The following HEPACAM2 variants were observed in gnomAD, a reference collection of about 807,000 sequenced individuals.
HEPACAM2 encodes the protein mitotic kinetics regulator.
Under a neutral mutation model 49.6 loss-of-function variants are expected in HEPACAM2, and 49 were observed. That is an observed-to-expected ratio of 0.99 (90% confidence interval 0.78 to 1.25). The LOEUF (loss-of-function observed/expected upper bound fraction) is 1.25. Ranked by LOEUF, HEPACAM2 falls within the 50% of genes most tolerant of loss-of-function variation. HEPACAM2 has a pLI of 0.00. For synonymous variants in HEPACAM2, 197 were observed against 202.9 expected (o/e 0.97, Z 0.25); for missense variants, 525 against 557.2 (o/e 0.94, Z 0.58).
chr7:93,189,621 C>T (rs1227977165), intron 9 of HEPACAM2, among the ~76,000 whole-genome samples: 2 of 151,756 alleles, frequency 1.3e-5, no homozygotes, highest in Admixed American at 6.6e-5. Context: ...AATAATTGGG[C>T]TGAGTACTAG....
At chr7:93,230,200 G>C (rs1318027794), upstream of HEPACAM2, among the ~76,000 whole-genome samples, 2 of 152,004 alleles carry the variant, frequency 1.3e-5, no homozygotes, top group Non-Finnish European at 2.9e-5. Context: ...AAACTTTTTG[G>C]GGGGATCATC....
intron 7 of HEPACAM2, 128 bp downstream of exon 7, chr7:93,197,113 A>T: frequency 5.2e-6 from 3 of 574,632 alleles, no homozygotes; most frequent in Non-Finnish European, 7.6e-6. Context: ...ACTAACTCAA[A>T]GGTAAGAGAC....
At chr7:93,212,179 A>G (rs1386891549) in intron 3 of HEPACAM2, among the ~76,000 whole-genome samples, 1 of 152,106 alleles carries the variant, frequency 6.6e-6, no homozygotes, top group Non-Finnish European at 1.5e-5. Flanking sequence ...TCAATTACCT[A>G]ATTTAATAAG....
intron 4 of HEPACAM2, among the ~76,000 whole-genome samples, chr7:93,205,186 G>T (rs1793997764): frequency 6.6e-6 from 1 of 151,652 alleles, no homozygotes. Context: ...GTTTTCTTTA[G>T]GATATTTCCA....
At chr7:93,228,323 C>CTTA (rs1179046895), upstream of HEPACAM2, among the ~76,000 whole-genome samples, 1 of 152,056 alleles carries the variant, frequency 6.6e-6, no homozygotes. Context: ...AAAATAAATG[C>CTTA]CATATGAATC....
intron 9 of HEPACAM2, among the ~76,000 whole-genome samples, chr7:93,190,191 G>A (rs2116617141): frequency 6.6e-6 from 1 of 152,078 alleles, no homozygotes; most frequent in Middle Eastern, 3.4e-3. Flanking sequence ...AAAGAAAAAG[G>A]AAGCATTTCA....
chr7:93,218,983 T>C (rs1794381308), intron 2 of HEPACAM2, 118 bp downstream of exon 2: 1 of 753,496 alleles, frequency 1.3e-6, no homozygotes, highest in Admixed American at 2.6e-5. Context: ...GCTTTGAGGA[T>C]TAATTGATTT....
Position 93,219,150 on chromosome 7 carries a change from C to G in HEPACAM2, c.381G>C (p.Gln127His). ...EGNYIVKVNI[Q>H]GNGTLSASQK... ...GACTGGCAGATAGAGTTCCATTTCC[C>G]TGAATGTTGACCTTCACGATGTAAT... The change falls in exon 2 of 10, where the codon CAG becomes CAC. Residue 127 changes from glutamine (Q) to histidine (H), a missense_variant. Physicochemically the swap from Gln to His is conservative, Grantham distance 24. Coordinates refer to ENST00000394468, the MANE Select transcript of HEPACAM2 (RefSeq NM_001039372.4). The G allele has an allele frequency of 6.2e-7, 1 of 1,613,966 alleles. No individual in the cohort carries two copies. The highest frequency in any genetic ancestry group is 8.5e-7 in the Non-Finnish European group (1 of 1,179,890).
upstream of HEPACAM2, among the ~76,000 whole-genome samples, chr7:93,228,073 A>G (rs1794569917): frequency 6.6e-6 from 1 of 152,194 alleles, no homozygotes; most frequent in African/African-American, 2.4e-5. Flanking sequence ...TTTTAGATTG[A>G]TATTAATCTC....
In HEPACAM2 at chr7:93,207,200, T is replaced by A. The variant is rs550139335; in HGVS notation, c.1012+1380A>T. 4.1e-4 allele frequency among the ~76,000 whole-genome samples: 63 copies of A among 152,250 alleles called. 1 individual carries two copies. Among genetic ancestry groups the A allele is most frequent in the Middle Eastern group, 3.4e-3 (1 of 294 alleles). ...ATATTGAGTTTCTCTGTATTATGGG[T>A]CTTTTTCTAGGTACCAGTGCTATAA... On this transcript the variant is annotated intron_variant, in intron 4 of 9. Coordinates refer to ENST00000394468, the MANE Select transcript of HEPACAM2 (RefSeq NM_001039372.4).
intron 4 of HEPACAM2, among the ~76,000 whole-genome samples, chr7:93,203,670 G>A (rs1373612755): frequency 6.6e-6 from 1 of 152,160 alleles, no homozygotes; most frequent in Non-Finnish European, 1.5e-5. Flanking sequence ...AACATGTTAA[G>A]TGCAAATATG....
At chr7:93,191,471 G>T (rs192819130) in intron 9 of HEPACAM2, among the ~76,000 whole-genome samples, 1 of 152,274 alleles carries the variant, frequency 6.6e-6, no homozygotes, top group East Asian at 1.9e-4. Context: ...TTTTGCCAGA[G>T]GGCAAGTTTC....
intron 9 of HEPACAM2, among the ~76,000 whole-genome samples, chr7:93,190,358 GAGA>G (rs1793511819): frequency 6.6e-6 from 1 of 152,096 alleles, no homozygotes; most frequent in African/African-American, 2.4e-5. Flanking sequence ...GACAGTTATG[GAGA>G]AGGAGAGGAA....
chr7:93,221,942 T>C (rs754083825), intron 1 of HEPACAM2, among the ~76,000 whole-genome samples: 1 of 152,200 alleles, frequency 6.6e-6, no homozygotes, highest in Non-Finnish European at 1.5e-5. Flanking sequence ...CTGGAATTTT[T>C]CCTAATTTGA....
intron 9 of HEPACAM2, 93 bp from the exon 10 acceptor site, chr7:93,189,363 G>C (rs1793483325): frequency 1.3e-6 from 1 of 775,272 alleles, no homozygotes; most frequent in South Asian, 2.4e-5. Context: ...TGCTTTCCAG[G>C]GCTACAGATT....
At chr7:93,204,355 T>TATC (rs1275126644) in intron 4 of HEPACAM2, among the ~76,000 whole-genome samples, 1 of 151,952 alleles carries the variant, frequency 6.6e-6, no homozygotes, top group Non-Finnish European at 1.5e-5. Flanking sequence ...TCTATCTATC[T>TATC]ATCTATCTAT....
chr7:93,205,083 A>G (rs1314936338), intron 4 of HEPACAM2, among the ~76,000 whole-genome samples: 2 of 151,666 alleles, frequency 1.3e-5, no homozygotes, highest in South Asian at 2.1e-4. Flanking sequence ...CTGAGCAACA[A>G]GAGTGAAACT....
intron 2 of HEPACAM2, among the ~76,000 whole-genome samples, chr7:93,218,019 A>G (rs1413242838): frequency 6.6e-6 from 1 of 151,968 alleles, no homozygotes; most frequent in African/African-American, 2.4e-5. Flanking sequence ...GCATGCTAGT[A>G]TCTTGGAGAA....
chr7:93,191,812 A>C (rs1431213841), intron 9 of HEPACAM2, among the ~76,000 whole-genome samples: 1 of 151,986 alleles, frequency 6.6e-6, no homozygotes, highest in Non-Finnish European at 1.5e-5. Context: ...ATTGGTGCTG[A>C]CTGTGCTGTG....
Sources: gnomAD v4.1 joint callset for allele counts (sites outside exome capture counted in the v4.1 genomes callset) on GRCh38, gnomAD v4.1.1 for gene constraint, MANE v1.5 for transcripts, NCBI Gene and HGNC (gene_info 2026-07-23, HGNC 2026-07-21) for gene names.